ATP6V0D1: variants seen among roughly 807,000 people sequenced by gnomAD.
ATP6V0D1 encodes the protein V-type proton ATPase subunit d 1.
A neutral mutation model predicts 39.0 loss-of-function variants in ATP6V0D1; 13 were observed. The ratio of observed to expected loss-of-function variants is 0.33; its 90% confidence interval spans 0.22 to 0.53. The LOEUF (loss-of-function observed/expected upper bound fraction) is 0.53. ATP6V0D1 is among the 20% of genes least tolerant of loss of function. The probability of loss-of-function intolerance (pLI) is 0.94; values close to 1 mark genes in which losing one functional copy is unlikely to be tolerated. For missense variants in ATP6V0D1, 272 were observed against 470.9 expected (o/e 0.58, Z 3.91); for synonymous variants, 191 against 191.2 (o/e 1.00, Z 0.01).
At position 67,439,748 on chromosome 16, in the gene ATP6V0D1, G is replaced by A. The variant is rs9937529; in HGVS notation, c.562-397C>T. 1,494 of 258,478 alleles carry A rather than the reference G, an allele frequency of 5.8e-3. 18 individuals carry two copies. Among genetic ancestry groups the A allele is most frequent in the African/African-American group, 0.03 (1,354 of 45,824 alleles). 16.0% of individuals were successfully genotyped at this position (258,478 alleles called of 1,614,324 possible). On this transcript the variant is annotated intron_variant, in intron 4 of 7. Coordinates refer to ENST00000290949, the MANE Select transcript of ATP6V0D1 (RefSeq NM_004691.5). The stretch of plus-strand genomic sequence containing the variant: ...CTCTGAAAACCAGGTGTGGCTGGAC[G>A]CAGTGGCTCACGCCTGTAATCCCAG...
rs1036155118 is a variant in ATP6V0D1, at chr16:67,447,165, C to T, written c.303-2459G>A. Among the ~76,000 whole-genome samples the T allele has an allele frequency of 6.6e-6, 1 of 152,222 alleles. No homozygotes were observed. The highest frequency in any genetic ancestry group is 1.5e-5 in the Non-Finnish European group (1 of 68,040). ...GAGCCTAGTAAGGGCCACTCACAAT[C>T]GCACTACCCCAGCCCCTTCAAGGCC... On this transcript the variant is annotated intron_variant, in intron 2 of 7. Coordinates refer to ENST00000290949, the MANE Select transcript of ATP6V0D1 (RefSeq NM_004691.5). The surrounding 1 kb of genome is among the most constrained non-coding windows in gnomAD (Gnocchi z 4.1).
At chr16:67,479,493 G>A (rs918740243) in intron 1 of ATP6V0D1, among the ~76,000 whole-genome samples, 10 of 152,064 alleles carry the variant, frequency 6.6e-5, no homozygotes, top group African/African-American at 1.9e-4. Context: ...GATTACAGAC[G>A]TGAGCCACCG....
intron 1 of ATP6V0D1, among the ~76,000 whole-genome samples, chr16:67,478,561 C>A (rs898796083): frequency 3.4e-5 from 5 of 146,326 alleles, no homozygotes; most frequent in Non-Finnish European, 7.4e-5. Context: ...TTGCAGTGAG[C>A]GGAGATCGCG....
At chr16:67,467,441 G>A (rs1018796168) in intron 1 of ATP6V0D1, among the ~76,000 whole-genome samples, 3 of 151,974 alleles carry the variant, frequency 2.0e-5, no homozygotes, top group Non-Finnish European at 4.4e-5. Context: ...GGAGGCGGAG[G>A]TTGCAGTGAG....
intron 1 of ATP6V0D1, chr16:67,457,485 G>A: frequency 2.1e-6 from 2 of 966,354 alleles, no homozygotes; most frequent in Non-Finnish European, 2.8e-6. Flanking sequence ...TGAGCTGGCA[G>A]GTGGTGGCAG....
At chr16:67,462,531 A>G (rs1291866006) in intron 1 of ATP6V0D1, among the ~76,000 whole-genome samples, 1 of 152,230 alleles carries the variant, frequency 6.6e-6, no homozygotes, top group African/African-American at 2.4e-5. Context: ...GCTGTGCTCA[A>G]AAGCTGGCCG....
Position 67,453,528 on chromosome 16 carries a change from T to C in ATP6V0D1, c.302+16A>G. ...CTGCCCAGGTAAGAGAAGAAGGCGC[T>C]ACAAAGCACACTCACGTAATGAAGT... is the stretch of plus-strand genomic sequence containing the variant. On this transcript the variant is annotated intron_variant, in intron 2 of 7. Transcript: ENST00000290949. The surrounding 1 kb of genome is among the most constrained non-coding windows in gnomAD (Gnocchi z 4.1). 6.2e-7 allele frequency: 1 copy of C among 1,613,668 alleles called. No individual in the cohort carries two copies. Among genetic ancestry groups the C allele is most frequent in the Non-Finnish European group, 8.5e-7 (1 of 1,179,696 alleles).
chr16:67,454,605 G>C (rs1597575932), intron 1 of ATP6V0D1: 1 of 151,934 alleles, frequency 6.6e-6, no homozygotes, highest in East Asian at 1.9e-4. Context: ...TAGGTTCCCA[G>C]GCTGAACTTG....
intron 1 of ATP6V0D1, among the ~76,000 whole-genome samples, chr16:67,472,570 T>G (rs1293085004): frequency 6.6e-6 from 1 of 152,156 alleles, no homozygotes; most frequent in Non-Finnish European, 1.5e-5. Flanking sequence ...ATGAAATGTA[T>G]AAAATATTTC....
intron 1 of ATP6V0D1, among the ~76,000 whole-genome samples, chr16:67,470,877 A>C (rs1284294277): frequency 1.3e-5 from 2 of 152,048 alleles, no homozygotes; most frequent in Non-Finnish European, 2.9e-5. Flanking sequence ...AAACTGGACC[A>C]ATCTTGTGGG....
At chr16:67,474,341 A>C (rs2142334441) in intron 1 of ATP6V0D1, among the ~76,000 whole-genome samples, 1 of 152,308 alleles carries the variant, frequency 6.6e-6, no homozygotes, top group East Asian at 1.9e-4. Flanking sequence ...AAAACCAGTT[A>C]AGTGGCTGCG....
chr16:67,474,899 G>A (rs976402852), intron 1 of ATP6V0D1, among the ~76,000 whole-genome samples: 2 of 152,142 alleles, frequency 1.3e-5, no homozygotes, highest in African/African-American at 4.8e-5. Context: ...CCTAAGCCAA[G>A]ATGAGGACAT....
Position 67,444,302 on chromosome 16 carries a change from C to A in ATP6V0D1, c.481+226G>T, listed in dbSNP as rs1293792603. ...ACAAAGTGAGACAGTCCCAGTCAGG[C>A]CCTGGGTAGCCTGCCTGGCCCAGCA... On this transcript the variant is annotated intron_variant, in intron 3 of 7. Transcript: ENST00000290949. This position sits in a 1 kb window ranked among gnomAD's most constrained non-coding sequence, Gnocchi z 4.8. 6.6e-6 allele frequency among the ~76,000 whole-genome samples: 1 copy of A among 152,172 alleles called. No homozygotes were observed. Among genetic ancestry groups the A allele is most frequent in the Non-Finnish European group, 1.5e-5 (1 of 68,038 alleles).
chr16:67,470,475 C>T (rs1364733672), intron 1 of ATP6V0D1, among the ~76,000 whole-genome samples: 3 of 152,222 alleles, frequency 2.0e-5, no homozygotes, highest in African/African-American at 4.8e-5. Context: ...TGCCAGGTGT[C>T]CTCGTTAGGC....
At chr16:67,478,405 G>A (rs1337113570) in intron 1 of ATP6V0D1, among the ~76,000 whole-genome samples, 1 of 152,084 alleles carries the variant, frequency 6.6e-6, no homozygotes, top group Non-Finnish European at 1.5e-5. Flanking sequence ...TTGAGGTCAG[G>A]AGTTCGAGAC....
intron 4 of ATP6V0D1, chr16:67,439,844 C>A (rs2041027894): frequency 6.2e-6 from 1 of 161,348 alleles, no homozygotes; most frequent in Admixed American, 5.8e-5. Flanking sequence ...TGGTGAAACC[C>A]CGTCTCTACT....
chr16:67,457,726 C>T, intron 1 of ATP6V0D1: 1 of 1,058,082 alleles, frequency 9.5e-7, no homozygotes, highest in Non-Finnish European at 1.3e-6. Flanking sequence ...GCAGGCCCCC[C>T]ACTCCTGGGC....
intron 1 of ATP6V0D1, among the ~76,000 whole-genome samples, chr16:67,473,146 C>T (rs1034195004): frequency 6.6e-6 from 1 of 152,106 alleles, no homozygotes; most frequent in African/African-American, 2.4e-5. Flanking sequence ...GAGGCAGTTT[C>T]GTGTTTCTGA....
At chr16:67,465,453 C>G (rs1208276014) in intron 1 of ATP6V0D1, among the ~76,000 whole-genome samples, 1 of 152,182 alleles carries the variant, frequency 6.6e-6, no homozygotes, top group Non-Finnish European at 1.5e-5. Flanking sequence ...GCCAGGGTGG[C>G]AAGACAAGAG....
Sources: gnomAD v4.1 joint callset for allele counts (sites outside exome capture counted in the v4.1 genomes callset) on GRCh38, gnomAD v4.1.1 for gene constraint, Gnocchi (gnomAD v3.1) non-coding constraint, MANE v1.5 for transcripts, NCBI Gene and HGNC (gene_info 2026-07-23, HGNC 2026-07-21) for gene names.